Variants in SLC4A5 observed in about 807,000 individuals in gnomAD.
SLC4A5 encodes solute carrier family 4 member 5.
In SLC4A5, 96 loss-of-function variants were observed where a neutral mutation model predicts 120.4. That is an observed-to-expected ratio of 0.80 (90% CI 0.68 to 0.94). The LOEUF (loss-of-function observed/expected upper bound fraction) is 0.94. SLC4A5 is among the 40% of genes least tolerant of loss of function. The pLI, the probability that SLC4A5 is intolerant of heterozygous loss-of-function variation, is 0.00. For synonymous variants in SLC4A5, 550 were observed against 571.1 expected (o/e 0.96, Z 0.53); for missense variants, 1,259 against 1,459.5 (o/e 0.86, Z 2.24).
chr2:74,217,141 G>A (rs1157463253), exon 31 of SLC4A5: 1 of 152,146 alleles, frequency 6.6e-6, no homozygotes, highest in Non-Finnish European at 1.5e-5. Context: ...ATGATCTAGT[G>A]TCATTTTTCT....
intron 28 of SLC4A5, 146 bp downstream of exon 28, chr2:74,224,694 G>T: frequency 8.8e-7 from 1 of 1,141,888 alleles, no homozygotes; most frequent in Non-Finnish European, 1.2e-6. Context: ...CCCAGACCAA[G>T]ACAAGCAGAT....
intron 7 of SLC4A5, among the ~76,000 whole-genome samples, chr2:74,298,437 G>C (rs964657053): frequency 1.3e-5 from 2 of 152,164 alleles, no homozygotes; most frequent in Non-Finnish European, 2.9e-5. Flanking sequence ...TGGATTAAAG[G>C]CTTAAATGTA....
chr2:74,262,173 G>A, exon 11 of SLC4A5: 1 of 1,613,890 alleles, frequency 6.2e-7, no homozygotes, highest in Non-Finnish European at 8.5e-7. Flanking sequence ...CGCATCCGCA[G>A]GTCTTCCGTG....
chr2:74,311,111 T>G (rs1573090854), intron 6 of SLC4A5, among the ~76,000 whole-genome samples: 1 of 152,274 alleles, frequency 6.6e-6, no homozygotes, highest in East Asian at 1.9e-4. Flanking sequence ...GCTCATAATA[T>G]TCCTTTATTA....
intron 3 of SLC4A5, among the ~76,000 whole-genome samples, chr2:74,337,483 G>A (rs908166190): frequency 6.6e-6 from 1 of 152,212 alleles, no homozygotes; most frequent in African/African-American, 2.4e-5. Flanking sequence ...CCTTTTTAAA[G>A]AGCGGGGCTC....
chr2:74,239,975 A>G (rs1297001325), intron 20 of SLC4A5, among the ~76,000 whole-genome samples: 1 of 151,358 alleles, frequency 6.6e-6, no homozygotes, highest in Non-Finnish European at 1.5e-5. Context: ...TCAGATGCCT[A>G]AAATCCAAGG....
intron 5 of SLC4A5, among the ~76,000 whole-genome samples, chr2:74,321,624 T>C (rs2104316807): frequency 6.6e-6 from 1 of 152,120 alleles, no homozygotes; most frequent in South Asian, 2.1e-4. Flanking sequence ...AAGTTTTTAC[T>C]GGGAAAATAA....
At chr2:74,279,792 A>G (rs796334760) in intron 8 of SLC4A5, among the ~76,000 whole-genome samples, 1 of 152,200 alleles carries the variant, frequency 6.6e-6, no homozygotes, top group Admixed American at 6.5e-5. Flanking sequence ...AGCTGCTACC[A>G]TGAGGTACTC....
Position 74,294,494 on chromosome 2 carries a change from T to C in SLC4A5, c.272-8592A>G, listed in dbSNP as rs149932569. 1.8e-3 allele frequency among the ~76,000 whole-genome samples: 274 copies of C among 152,324 alleles called. 2 individuals carry two copies. The highest frequency in any genetic ancestry group is 6.5e-3 in the African/African-American group (270 of 41,578). ...TTTGGTAGATATAAATGCAGTATAA[T>C]GAAGAAGCTGTCATTTAAAATCAAA... On this transcript the variant is annotated intron_variant, in intron 7 of 30. Coordinates refer to ENST00000394019, the Ensembl canonical transcript of SLC4A5.
At position 74,225,031 on chromosome 2, in the gene SLC4A5, T is replaced by G. The variant is rs747456308; in HGVS notation, c.3091-36A>C. 29 of 1,592,706 alleles carry G rather than the reference T, an allele frequency of 1.8e-5. 1 individual carries two copies. The Middle Eastern group carries it at 5.0e-4, about 28-fold the overall frequency. On this transcript the variant is annotated intron_variant, in intron 27 of 30. Transcript: ENST00000394019. ...GAGAGACTAAAGTTTTGTGAGAATT[T>G]GGAGAAAACTGTGGTCTCAATGCCC... is the stretch of plus-strand genomic sequence containing the variant.
chr2:74,288,861 G>GT (rs1481719052), intron 7 of SLC4A5, among the ~76,000 whole-genome samples: 2 of 152,186 alleles, frequency 1.3e-5, no homozygotes, highest in Non-Finnish European at 2.9e-5. Context: ...GCTCTCCTCT[G>GT]TTTTTATTAA....
chr2:74,301,396 T>C (rs1003869534), intron 7 of SLC4A5, among the ~76,000 whole-genome samples: 41 of 152,178 alleles, frequency 2.7e-4, no homozygotes, highest in Admixed American at 2.7e-3. Flanking sequence ...CCCAGACACA[T>C]CTAGCCACCC....
At chr2:74,280,146 C>T (rs973844274) in intron 8 of SLC4A5, among the ~76,000 whole-genome samples, 1 of 152,144 alleles carries the variant, frequency 6.6e-6, no homozygotes, top group African/African-American at 2.4e-5. Flanking sequence ...CCTGCCATTC[C>T]CTGCCTCCTA....
At chr2:74,234,132 T>C (rs1290511727) in intron 22 of SLC4A5, among the ~76,000 whole-genome samples, 2 of 151,784 alleles carry the variant, frequency 1.3e-5, no homozygotes, top group African/African-American at 4.8e-5. Context: ...CTGGACTCCC[T>C]ACTCTGGTGA....
intron 19 of SLC4A5, 106 bp downstream of exon 19, chr2:74,246,930 G>T: frequency 7.0e-7 from 1 of 1,427,662 alleles, no homozygotes; most frequent in Non-Finnish European, 9.6e-7. Flanking sequence ...GTAAGCCCTT[G>T]GCTGAATGGC....
exon 29 of SLC4A5, chr2:74,222,929 A>G (rs1223885955): frequency 6.2e-7 from 1 of 1,612,830 alleles, no homozygotes; most frequent in African/African-American, 1.3e-5. Flanking sequence ...GAATCTTTAT[A>G]ACCGAGGGAG....
intron 5 of SLC4A5, among the ~76,000 whole-genome samples, chr2:74,316,233 A>C (rs1167879825): frequency 2.6e-5 from 4 of 151,512 alleles, no homozygotes; most frequent in Non-Finnish European, 5.9e-5. Context: ...TAAATTAACC[A>C]ATAACAATTA....
intron 6 of SLC4A5, chr2:74,307,340 G>C (rs1249679585): frequency 1.7e-6 from 1 of 583,048 alleles, no homozygotes; most frequent in Non-Finnish European, 3.2e-6. Flanking sequence ...TGGTAATCTG[G>C]GCTTGTAGGT....
intron 19 of SLC4A5, among the ~76,000 whole-genome samples, chr2:74,246,276 A>G (rs1355799316): frequency 6.6e-6 from 1 of 152,164 alleles, no homozygotes; most frequent in African/African-American, 2.4e-5. Context: ...GGACATCCAG[A>G]GAGTGTCCAA....
Sources: gnomAD v4.1 joint callset for allele counts (sites outside exome capture counted in the v4.1 genomes callset) on GRCh38, gnomAD v4.1.1 for gene constraint, MANE v1.5 for transcripts, NCBI Gene and HGNC (gene_info 2026-07-23, HGNC 2026-07-21) for gene names.